The following COX7B2 variants were observed in gnomAD, a reference collection of about 807,000 sequenced individuals.
COX7B2 encodes cytochrome c oxidase subunit 7B2, mitochondrial.
For missense variants in COX7B2, 109 were observed against 95.9 expected (o/e 1.14, Z -0.57); for synonymous variants, 37 against 32.1 (o/e 1.15, Z -0.51).
intron 2 of COX7B2, among the ~76,000 whole-genome samples, chr4:46,783,840 G>T: frequency 6.6e-6 from 1 of 152,206 alleles, no homozygotes; most frequent in East Asian, 1.9e-4. Flanking sequence ...AACTGGGAAA[G>T]TTGGGGGTGG....
At chr4:46,783,335 T>C (rs943013514) in intron 2 of COX7B2, among the ~76,000 whole-genome samples, 3 of 152,212 alleles carry the variant, frequency 2.0e-5, no homozygotes, top group Non-Finnish European at 4.4e-5. Context: ...GCCAGTGTAA[T>C]TGACCTGTAA....
At chr4:46,877,506 A>C (rs1193435806) in intron 1 of COX7B2, among the ~76,000 whole-genome samples, 3 of 152,176 alleles carry the variant, frequency 2.0e-5, no homozygotes, top group East Asian at 3.9e-4. Context: ...TAGTTATTAC[A>C]TGTATCTTAG....
At chr4:46,823,867 A>T (rs1714485993) in intron 2 of COX7B2, among the ~76,000 whole-genome samples, 1 of 151,970 alleles carries the variant, frequency 6.6e-6, no homozygotes, top group Non-Finnish European at 1.5e-5. Flanking sequence ...GACTGATCAA[A>T]AAGAGAGAGA....
At chr4:46,849,188 T>C (rs1577653593) in intron 1 of COX7B2, among the ~76,000 whole-genome samples, 1 of 152,142 alleles carries the variant, frequency 6.6e-6, no homozygotes, top group East Asian at 1.9e-4. Context: ...CAAGTGCTAG[T>C]AATACAACTC....
At chr4:46,904,321 T>A (rs141528612) in intron 1 of COX7B2, among the ~76,000 whole-genome samples, 22 of 151,976 alleles carry the variant, frequency 1.4e-4, no homozygotes, top group African/African-American at 4.3e-4. Flanking sequence ...TTCAACTCCA[T>A]CATATAAAAA....
chr4:46,750,063 T>A (rs1715259037), intron 2 of COX7B2, among the ~76,000 whole-genome samples: 1 of 152,134 alleles, frequency 6.6e-6, no homozygotes, highest in South Asian at 2.1e-4. Context: ...AGAATAAGTT[T>A]AAGAATTTCT....
chr4:46,775,963 G>C (rs1717132293), intron 2 of COX7B2, among the ~76,000 whole-genome samples: 1 of 152,072 alleles, frequency 6.6e-6, no homozygotes, highest in Non-Finnish European at 1.5e-5. Flanking sequence ...CCAATACTTG[G>C]CAATTTGAGA....
chr4:46,752,463 C>G (rs36181521), intron 2 of COX7B2, among the ~76,000 whole-genome samples: 49,759 of 151,874 alleles, frequency 0.33, 8,412 homozygotes, highest in South Asian at 0.47. Flanking sequence ...ATGTTGAATA[C>G]GAGTGGTGAG....
intron 2 of COX7B2, among the ~76,000 whole-genome samples, chr4:46,772,184 C>A (rs1313947751): frequency 6.6e-6 from 1 of 151,928 alleles, no homozygotes; most frequent in Non-Finnish European, 1.5e-5. Flanking sequence ...GTGCAATAAA[C>A]CAGGCACAGA....
chr4:46,821,526 CT>C (rs1213026672), intron 2 of COX7B2, among the ~76,000 whole-genome samples: 1 of 152,164 alleles, frequency 6.6e-6, no homozygotes, highest in Non-Finnish European at 1.5e-5. Flanking sequence ...TGACAGAACT[CT>C]ACCATTTACT....
intron 1 of COX7B2, among the ~76,000 whole-genome samples, chr4:46,863,947 T>C (rs900059903): frequency 4.6e-5 from 7 of 152,156 alleles, no homozygotes; most frequent in Admixed American, 1.3e-4. Flanking sequence ...TAATTGGCTA[T>C]CGAAATCTGA....
chr4:46,836,449 A>G (rs181771239), intron 2 of COX7B2, among the ~76,000 whole-genome samples: 1 of 152,176 alleles, frequency 6.6e-6, no homozygotes, highest in Admixed American at 6.5e-5. Flanking sequence ...CAATATTACT[A>G]TCTTCCATCT....
At chr4:46,875,981 C>T (rs1718296999) in intron 1 of COX7B2, among the ~76,000 whole-genome samples, 1 of 152,070 alleles carries the variant, frequency 6.6e-6, no homozygotes, top group African/African-American at 2.4e-5. Flanking sequence ...ATATGCTGCT[C>T]TGCATTGTTT....
intron 1 of COX7B2, among the ~76,000 whole-genome samples, chr4:46,889,531 G>T (rs1476095578): frequency 1.3e-5 from 2 of 152,176 alleles, no homozygotes; most frequent in Admixed American, 1.3e-4. Context: ...AAGCAAGATA[G>T]GCAAGGCTGC....
At chr4:46,874,918 C>T (rs1718229290) in intron 1 of COX7B2, among the ~76,000 whole-genome samples, 1 of 152,164 alleles carries the variant, frequency 6.6e-6, no homozygotes, top group Admixed American at 6.5e-5. Flanking sequence ...CCTGAGAGGT[C>T]TGCTGTTACT....
chr4:46,794,767 C>T (rs1718235210), intron 2 of COX7B2, among the ~76,000 whole-genome samples: 1 of 152,106 alleles, frequency 6.6e-6, no homozygotes, highest in Non-Finnish European at 1.5e-5. Flanking sequence ...CTCACACAGA[C>T]TTATGGTGTT....
chr4:46,742,020 TC>T (rs1208510916), intron 2 of COX7B2, among the ~76,000 whole-genome samples: 4 of 152,184 alleles, frequency 2.6e-5, no homozygotes, highest in Non-Finnish European at 5.9e-5. Context: ...GACCATTTAT[TC>T]TTTTAGGCCA....
intron 2 of COX7B2, among the ~76,000 whole-genome samples, chr4:46,832,165 T>TAAATTTTGCTAC (rs1457532181): frequency 6.6e-6 from 1 of 152,136 alleles, no homozygotes; most frequent in Non-Finnish European, 1.5e-5. Flanking sequence ...CTCTTTGCTA[T>TAAATTTTGCTAC]AAATTTTGCT....
At chr4:46,888,441 CTT>C (rs901316950) in intron 1 of COX7B2, among the ~76,000 whole-genome samples, 1 of 145,540 alleles carries the variant, frequency 6.9e-6, no homozygotes. Context: ...ATGTTTCTTC[CTT>C]TTTTTTTTTC....
Sources: gnomAD v4.1 joint callset for allele counts (sites outside exome capture counted in the v4.1 genomes callset) on GRCh38, gnomAD v4.1.1 for gene constraint, MANE v1.5 for transcripts, NCBI Gene and HGNC (gene_info 2026-07-23, HGNC 2026-07-21) for gene names.